KCNG3: variants seen among roughly 807,000 people sequenced by gnomAD.
KCNG3 encodes voltage-gated potassium channel regulatory subunit KCNG3.
Under a neutral mutation model 29.0 loss-of-function variants are expected in KCNG3, and 15 were observed. The observed-to-expected ratio is 0.52, with a 90% confidence interval of 0.35 to 0.80. KCNG3 has a LOEUF of 0.80. KCNG3 is among the 30% of genes least tolerant of loss of function. The pLI, the probability that KCNG3 is intolerant of heterozygous loss-of-function variation, is 0.01. For synonymous variants in KCNG3, 322 were observed against 248.9 expected (o/e 1.29, Z -2.76); for missense variants, 512 against 605.7 (o/e 0.85, Z 1.62).
At chr2:42,407,525 G>C in the KCNG3 span, among the ~76,000 whole-genome samples, 1 of 152,186 alleles carries the variant, frequency 6.6e-6, no homozygotes, top group East Asian at 1.9e-4. Context: ...CAACAAGTGG[G>C]AGCCCCACCT....
intron 1 of KCNG3, among the ~76,000 whole-genome samples, chr2:42,456,895 G>C (rs1345906013): frequency 6.6e-6 from 1 of 152,006 alleles, no homozygotes; most frequent in African/African-American, 2.4e-5. Context: ...GTCCTTATAA[G>C]AGTTTTCTCC....
the KCNG3 span, among the ~76,000 whole-genome samples, chr2:42,429,898 C>T: frequency 1.3e-5 from 2 of 152,136 alleles, no homozygotes; most frequent in African/African-American, 4.8e-5. Flanking sequence ...GGAAAGAGAA[C>T]AGAGCCACCA....
At chr2:42,466,393 G>A (rs533591312) in intron 1 of KCNG3, among the ~76,000 whole-genome samples, 50 of 152,324 alleles carry the variant, frequency 3.3e-4, no homozygotes, top group African/African-American at 1.2e-3. Context: ...CAGCAACAGA[G>A]AGAGACTCTG....
chr2:42,433,530 G>C, the KCNG3 span, among the ~76,000 whole-genome samples: 1 of 152,150 alleles, frequency 6.6e-6, no homozygotes, highest in Non-Finnish European at 1.5e-5. Context: ...CTTGAGGTCA[G>C]GAGTTCAAGA....
chr2:42,473,347 C>CT (rs199735377), intron 1 of KCNG3, among the ~76,000 whole-genome samples: 133 of 148,454 alleles, frequency 9.0e-4, no homozygotes, highest in East Asian at 3.8e-3. Context: ...AAGCATGTTT[C>CT]TTTTTTTTTT....
chr2:42,437,474 C>A (rs1397631435), downstream of KCNG3, among the ~76,000 whole-genome samples: 2 of 152,164 alleles, frequency 1.3e-5, no homozygotes, highest in Admixed American at 6.6e-5. Context: ...AAAGTTTCTA[C>A]CTCTGTCCTA....
the KCNG3 span, among the ~76,000 whole-genome samples, chr2:42,428,446 G>A: frequency 8.2e-6 from 1 of 121,316 alleles, no homozygotes; most frequent in Non-Finnish European, 1.6e-5. Flanking sequence ...GGGTGAGAGA[G>A]ACCCGGTCTC....
the KCNG3 span, among the ~76,000 whole-genome samples, chr2:42,407,177 C>CTTTTTTTTTTTTTT: frequency 1.5e-5 from 2 of 133,152 alleles, no homozygotes; most frequent in African/African-American, 5.5e-5. Context: ...TCTGCTTGAT[C>CTTTTTTTTTTTTTT]TTTTTTTTTT....
At chr2:42,408,953 AAGCCATGGAATCTGCT>A in the KCNG3 span, among the ~76,000 whole-genome samples, 3 of 152,040 alleles carry the variant, frequency 2.0e-5, no homozygotes, top group Non-Finnish European at 4.4e-5. Flanking sequence ...TCCCCGATGC[AAGCCATGGAATCTGCT>A]TGTGGTGGTA....
the KCNG3 span, among the ~76,000 whole-genome samples, chr2:42,407,606 G>A: frequency 6.6e-6 from 1 of 152,118 alleles, no homozygotes; most frequent in African/African-American, 2.4e-5. Context: ...GTGGACCCAG[G>A]CCTCCTGCTC....
intron 1 of KCNG3, among the ~76,000 whole-genome samples, chr2:42,475,406 G>C (rs1002575958): frequency 4.1e-5 from 6 of 147,752 alleles, no homozygotes; most frequent in African/African-American, 1.5e-4. Context: ...TTGGCTCACT[G>C]CAACCTCTTT....
At chr2:42,480,263 C>T (rs1673549321) in intron 1 of KCNG3, among the ~76,000 whole-genome samples, 1 of 152,134 alleles carries the variant, frequency 6.6e-6, no homozygotes, top group South Asian at 2.1e-4. Flanking sequence ...ACTTCCTGAT[C>T]CTGGAAGCCA....
At chr2:42,478,630 T>C (rs557416835) in intron 1 of KCNG3, among the ~76,000 whole-genome samples, 17 of 152,178 alleles carry the variant, frequency 1.1e-4, no homozygotes, top group African/African-American at 3.9e-4. Flanking sequence ...TCAAATGACA[T>C]AACCTCAGAA....
At chr2:42,450,478 A>C (rs1472857324) in intron 1 of KCNG3, among the ~76,000 whole-genome samples, 1 of 152,252 alleles carries the variant, frequency 6.6e-6, no homozygotes, top group Non-Finnish European at 1.5e-5. Flanking sequence ...TTCACTGAGC[A>C]CAAGAGCAAA....
chr2:42,481,510 G>A (rs765250600), intron 1 of KCNG3, among the ~76,000 whole-genome samples: 4 of 152,104 alleles, frequency 2.6e-5, no homozygotes, highest in African/African-American at 4.8e-5. Context: ...AGACCAAAGC[G>A]ACCTTTTAAA....
At chr2:42,399,056 C>CTTTTTTTTT in the KCNG3 span, among the ~76,000 whole-genome samples, 1 of 107,632 alleles carries the variant, frequency 9.3e-6, no homozygotes, top group African/African-American at 3.7e-5. Context: ...TTTTTCTTTT[C>CTTTTTTTTT]TTTTTTTTTT....
At chr2:42,418,812 G>C in the KCNG3 span, among the ~76,000 whole-genome samples, 61 of 152,266 alleles carry the variant, frequency 4.0e-4, no homozygotes, top group South Asian at 8.1e-3. Flanking sequence ...TAAATGAAGA[G>C]TAGTTATTAA....
In KCNG3 at chr2:42,442,377, G is replaced by C. The variant is rs1343728471; in HGVS notation, c.*1557C>G. 1 of 152,232 alleles carries C rather than the reference G, an allele frequency of 6.6e-6. No individual in the cohort carries two copies. Among genetic ancestry groups the C allele is most frequent in the East Asian group, 1.9e-4 (1 of 5,204 alleles). The allele number at this position is 152,232 out of a possible 1,614,324, so 9.4% of individuals were successfully genotyped here. On this transcript the variant is annotated 3_prime_UTR_variant, in exon 2 of 2. Transcript: ENST00000306078. ...TTCTCAGAACCCAGAGATGTGTGAA[G>C]ATTAACCTGCTGGGCTAGGTTTCTG...
chr2:42,412,563 T>C, the KCNG3 span, among the ~76,000 whole-genome samples: 1 of 152,234 alleles, frequency 6.6e-6, no homozygotes, highest in African/African-American at 2.4e-5. Flanking sequence ...TTATATATTT[T>C]AACGCTTTTA....
Sources: allele counts gnomAD v4.1 joint callset (sites outside exome capture counted in the v4.1 genomes callset), GRCh38; gene constraint gnomAD v4.1.1; transcripts MANE v1.5; gene names NCBI Gene and HGNC (gene_info 2026-07-23, HGNC 2026-07-21).